TRIP12: variants seen among roughly 807,000 people sequenced by gnomAD.
The protein encoded by TRIP12 is thyroid hormone receptor interactor 12.
TRIP12 carries 25 observed loss-of-function variants against 244.2 expected under a neutral mutation model. The ratio of observed to expected loss-of-function variants is 0.10; its 90% CI spans 0.07 to 0.14. The LOEUF (loss-of-function observed/expected upper bound fraction) is 0.14, where lower values mean the gene tolerates loss of function less well. Ranked by LOEUF, TRIP12 falls within the 10% of genes least tolerant of loss-of-function variation. TRIP12 has a pLI of 1.00. For synonymous variants in TRIP12, 905 were observed against 873.1 expected, an observed-to-expected ratio of 1.04 and a Z score of -0.64; for missense variants, 1,677 against 2,486.4, an observed-to-expected ratio of 0.67 and a Z score of 6.92.
Position 229,815,081 on chromosome 2 carries a change from G to C in TRIP12, c.1731+18C>G. ...CCCTATGCCTGCTTTTGAACAAACGGGGTAAAAGTAGGATCACCTTTTCTA... is the reference window on the plus strand; with the variant it reads ...CCCTATGCCTGCTTTTGAACAAACGCGGTAAAAGTAGGATCACCTTTTCTA... On this transcript the variant is annotated intron_variant, in intron 11 of 41. Transcript: ENST00000675903. The C allele has an allele frequency of 6.3e-7, 1 of 1,589,500 alleles. No homozygotes were observed. Among genetic ancestry groups the C allele is most frequent in the South Asian group, 1.1e-5 (1 of 87,438 alleles).
chr2:229,842,359 G>A (rs2056628553), intron 4 of TRIP12, among the ~76,000 whole-genome samples: 1 of 152,148 alleles, frequency 6.6e-6, no homozygotes. Flanking sequence ...AAGAGACAGG[G>A]CATGGCAATA....
At chr2:229,922,184 C>T (rs2076718189), upstream of TRIP12, 1 of 231,094 alleles carries the variant, frequency 4.3e-6, no homozygotes, top group Non-Finnish European at 8.6e-6. Flanking sequence ...CGGCTCGACT[C>T]TCTCAGCAGC....
intron 36 of TRIP12, 100 bp from the exon 37 acceptor site, chr2:229,777,579 A>C: frequency 4.2e-6 from 5 of 1,190,114 alleles, no homozygotes; most frequent in Non-Finnish European, 4.8e-6. Flanking sequence ...TTAATAGGTC[A>C]AGTAATCCCC....
At chr2:229,870,523 A>C (rs540820020) in intron 2 of TRIP12, among the ~76,000 whole-genome samples, 1 of 152,252 alleles carries the variant, frequency 6.6e-6, no homozygotes, top group Admixed American at 6.5e-5. Flanking sequence ...CTAAGACTGG[A>C]AAAGAGTATA....
intron 38 of TRIP12, chr2:229,773,668 G>A (rs1027380863): frequency 2.9e-4 from 46 of 157,858 alleles, no homozygotes; most frequent in African/African-American, 8.4e-4. Flanking sequence ...GATTACAGGC[G>A]TGAGCCACTG....
Position 229,783,479 on chromosome 2 carries a change from C to T in TRIP12, c.5094+2278G>A, listed in dbSNP as rs142009056. ...AGAAAACAAGGTTATGATACAAAAA[C>T]GAACTGTATTTCTAGAAACCAACAA... On this transcript the variant is annotated intron_variant, in intron 34 of 41. Coordinates refer to ENST00000675903, the MANE Select transcript of TRIP12 (RefSeq NM_001348323.3). 9.5e-3 allele frequency among the ~76,000 whole-genome samples: 1,442 copies of T among 152,212 alleles called. 11 individuals are homozygous for T. The highest frequency in any genetic ancestry group is 0.021 in the Middle Eastern group (6 of 292).
chr2:229,788,198 GA>G (rs2040566752), intron 32 of TRIP12, among the ~76,000 whole-genome samples: 1 of 152,158 alleles, frequency 6.6e-6, no homozygotes, highest in Non-Finnish European at 1.5e-5. Context: ...TGCAGAATCT[GA>G]TATTTAATTT....
At chr2:229,808,200 T>A in intron 16 of TRIP12, 52 bp downstream of exon 16, 1 of 1,341,814 alleles carries the variant, frequency 7.5e-7, no homozygotes, top group Non-Finnish European at 1.1e-6. Flanking sequence ...ACTCCTGACC[T>A]CGTGATTCAC....
chr2:229,914,542 T>G (rs1377971314), intron 1 of TRIP12, among the ~76,000 whole-genome samples: 1 of 152,212 alleles, frequency 6.6e-6, no homozygotes, highest in Non-Finnish European at 1.5e-5. Context: ...AGAGAGAATT[T>G]CAAGAGATGG....
intron 33 of TRIP12, 64 bp from the exon 34 acceptor site, chr2:229,785,919 T>C: frequency 7.1e-7 from 1 of 1,415,712 alleles, no homozygotes; most frequent in Admixed American, 2.3e-5. Flanking sequence ...AATAAACAGG[T>C]GGCATTTCTT....
rs149840232 is a variant in TRIP12, at chr2:229,810,746, A to G, written c.2221+134T>C. 571 of 850,058 alleles carry G rather than the reference A, an allele frequency of 6.7e-4. 1 individual carries two copies. The African/African-American group carries it at 8.1e-3, about 12-fold the overall frequency. The allele number at this position is 850,058 out of a possible 1,614,324, so 52.7% of individuals were successfully genotyped here. The stretch of plus-strand genomic sequence containing the variant: ...CTGTCCCAACACAAATTTATTACAT[A>G]TTAACACTTTTCTTTACTATCCAAT... On this transcript the variant is annotated intron_variant, in intron 15 of 41. Coordinates refer to ENST00000675903, the MANE Select transcript of TRIP12 (RefSeq NM_001348323.3).
chr2:229,769,005 A>AG (rs201779161), intron 40 of TRIP12, among the ~76,000 whole-genome samples: 3,504 of 152,334 alleles, frequency 0.023, 56 homozygotes, highest in Middle Eastern at 0.065. Context: ...CCCAACCCCT[A>AG]GTATTTTCAC....
At chr2:229,823,123 A>T (rs1346926958) in intron 8 of TRIP12, among the ~76,000 whole-genome samples, 2 of 152,200 alleles carry the variant, frequency 1.3e-5, no homozygotes, top group Non-Finnish European at 2.9e-5. Flanking sequence ...CTCCAAAAGG[A>T]AAGGAAGGAG....
Position 229,804,166 on chromosome 2 carries a change from T to A in TRIP12, c.2712A>T (p.Glu904Asp), listed in dbSNP as rs746832820. ...ARAQLMKEDP[E>D]LAKSFIKTLF... ...ATGTCTTAATAAAAGACTTAGCCAG[T>A]TCCGGATCCTCTTTCATAAGCTGTG... Residue 904 changes from glutamate (E) to aspartate (D), a missense_variant, in exon 19 of 42, where the codon GAA becomes GAT. Transcript: ENST00000675903. 5.6e-6 allele frequency: 9 copies of A among 1,614,014 alleles called. No individual in the cohort carries two copies. The highest frequency in any genetic ancestry group is 1.7e-5 in the Admixed American group (1 of 60,002).
intron 20 of TRIP12, 123 bp from the exon 21 acceptor site, chr2:229,802,582 G>C: frequency 1.6e-6 from 1 of 612,962 alleles, no homozygotes; most frequent in Non-Finnish European, 2.6e-6. Flanking sequence ...AACATAACTG[G>C]CAAATAGGTA....
intron 2 of TRIP12, among the ~76,000 whole-genome samples, chr2:229,872,060 TAG>T (rs1363166537): frequency 8.1e-6 from 1 of 122,712 alleles, no homozygotes; most frequent in Admixed American, 1.0e-4. Flanking sequence ...CGGAAAATTA[TAG>T]AGACATTAAA....
chr2:229,807,674 T>TA (rs1291950888), intron 17 of TRIP12, 34 bp downstream of exon 17: 25 of 1,613,752 alleles, frequency 1.5e-5, no homozygotes, highest in Non-Finnish European at 2.0e-5. Flanking sequence ...TCCAACAAAA[T>TA]AGACACATTT....
intron 9 of TRIP12, among the ~76,000 whole-genome samples, chr2:229,817,388 G>C (rs1211397749): frequency 6.6e-6 from 1 of 151,828 alleles, no homozygotes; most frequent in Non-Finnish European, 1.5e-5. Context: ...TTTAATTTTG[G>C]ACAAAGAAAA....
intron 30 of TRIP12, 85 bp from the exon 31 acceptor site, chr2:229,789,847 A>G: frequency 7.0e-7 from 1 of 1,435,382 alleles, no homozygotes; most frequent in South Asian, 1.3e-5. Context: ...TCGCTAAAAG[A>G]GTAACAGAAG....
Sources: allele counts gnomAD v4.1 joint callset (sites outside exome capture counted in the v4.1 genomes callset), GRCh38; gene constraint gnomAD v4.1.1; transcripts MANE v1.5; gene names NCBI Gene and HGNC (gene_info 2026-07-23, HGNC 2026-07-21).